The following STK10 variants were observed in gnomAD, a reference collection of about 807,000 sequenced individuals.
STK10 encodes the protein serine/threonine-protein kinase 10.
Under a neutral mutation model 113.8 loss-of-function variants are expected in STK10, and 78 were observed. The ratio of observed to expected loss-of-function variants is 0.69; its 90% confidence interval spans 0.57 to 0.83. STK10 has a LOEUF of 0.83. Ranked by LOEUF, STK10 falls within the 40% of genes least tolerant of loss-of-function variation. STK10 has a pLI of 0.00. For synonymous variants in STK10, 465 were observed against 494.7 expected (o/e 0.94, Z 0.80); for missense variants, 1,109 against 1,280.1 (o/e 0.87, Z 2.04).
intron 7 of STK10, among the ~76,000 whole-genome samples, chr5:172,098,888 TCACCACCATCAC>T (rs1370292374): frequency 2.2e-4 from 34 of 151,134 alleles, no homozygotes; most frequent in Non-Finnish European, 4.6e-4. Flanking sequence ...ATCATCACCT[TCACCACCATCAC>T]CACCACCATC....
intron 10 of STK10, among the ~76,000 whole-genome samples, chr5:172,087,076 C>T (rs1373998531): frequency 6.7e-6 from 1 of 150,224 alleles, no homozygotes; most frequent in Non-Finnish European, 1.5e-5. Flanking sequence ...GCAACCTGTG[C>T]CCTAGCCTCC....
At chr5:172,151,297 C>T (rs1269217602) in intron 2 of STK10, among the ~76,000 whole-genome samples, 1 of 152,096 alleles carries the variant, frequency 6.6e-6, no homozygotes, top group South Asian at 2.1e-4. Flanking sequence ...GGATTGCGAA[C>T]CTGCAGGCTT....
In STK10 at chr5:172,106,725, A is replaced by G; in HGVS notation, c.683T>C (p.Ile228Thr). 6.2e-7 allele frequency: 1 copy of G among 1,614,126 alleles called. No homozygotes were observed. The highest frequency in any genetic ancestry group is 8.5e-7 in the Non-Finnish European group (1 of 1,180,012). The change falls in exon 6 of 19, where the codon ATT (isoleucine) becomes ACT (threonine). Residue 228 changes from isoleucine to threonine, a missense_variant. Around this residue, in one of 5 missense-constraint regions of STK10, gnomAD observed 885 missense variants for 991.1 expected, o/e 0.89. Transcript: ENST00000176763. ...ADIWSLGITL[I>T]EMAQIEPPHH... is the part of the protein sequence containing the mutation. ...TGGCGGCTCGATCTGGGCCATCTCA[A>G]TCAGCGTGATGCCCAGGGACCAGAT...
At chr5:172,107,459 A>T (rs1435958611) in intron 5 of STK10, among the ~76,000 whole-genome samples, 1 of 152,206 alleles carries the variant, frequency 6.6e-6, no homozygotes, top group Non-Finnish European at 1.5e-5. Context: ...CTCAATACAT[A>T]CGTGGCGAAT....
chr5:172,083,223 G>A lies in STK10; in HGVS notation c.1686-139C>T, dbSNP rs546296077. ...GGGGCACAGGCATGACTAGAACTCAGGCTTCATTTGATATTTATTGACAGA... is the reference window on the plus strand; with the variant it reads ...GGGGCACAGGCATGACTAGAACTCAAGCTTCATTTGATATTTATTGACAGA... On this transcript the variant is annotated intron_variant, in intron 10 of 18. Transcript: ENST00000176763. 94 of 1,009,136 alleles carry A rather than the reference G, an allele frequency of 9.3e-5. 1 individual carries two copies. The African/African-American group carries it at 1.3e-3, about 14-fold the overall frequency. The allele number at this position is 1,009,136 out of a possible 1,614,324, so 62.5% of individuals were successfully genotyped here.
At chr5:172,129,184 A>G (rs1035277755) in intron 2 of STK10, among the ~76,000 whole-genome samples, 1 of 152,208 alleles carries the variant, frequency 6.6e-6, no homozygotes, top group Non-Finnish European at 1.5e-5. Context: ...GCTGGGATGC[A>G]CGAAACCACA....
At position 172,106,636 on chromosome 5, in the gene STK10, G is replaced by C; in HGVS notation, c.772C>G (p.Leu258Val). The C allele has an allele frequency of 6.2e-7, 1 of 1,612,572 alleles. No homozygotes were observed. Among genetic ancestry groups the C allele is most frequent in the Non-Finnish European group, 8.5e-7 (1 of 1,179,908 alleles). ...KIAKSDPPTL[L>V]TPSKWSVEFR... ...GCCCCTCACCACTTAGAGGGCGTGA[G>C]CAGCGTGGGAGGGTCCGACTTGGCG... The change falls in exon 6 of 19, where the codon CTC becomes GTC. Residue 258 changes from leucine (L) to valine (V), a missense_variant. Coordinates refer to ENST00000176763, the MANE Select transcript of STK10 (RefSeq NM_005990.4).
intron 1 of STK10, among the ~76,000 whole-genome samples, chr5:172,181,149 C>T (rs902248162): frequency 1.5e-4 from 23 of 152,218 alleles, no homozygotes; most frequent in Non-Finnish European, 2.5e-4. Context: ...CCACAGCTCC[C>T]TACGCTGCTG....
rs1425425281 is a variant in STK10 at position 172,047,926 on chromosome 5, G to A, written c.2767-2904C>T. Among the ~76,000 whole-genome samples, 10 of 115,886 alleles carry A rather than the reference G, an allele frequency of 8.6e-5. No individual in the cohort carries two copies. In the South Asian group the frequency reaches 1.3e-3, roughly 16 times the overall value. The allele number at this position is 115,886 out of a possible 152,430, so 76.0% of individuals were successfully genotyped here. On this transcript the variant is annotated intron_variant, in intron 18 of 18. Coordinates refer to ENST00000176763, the MANE Select transcript of STK10 (RefSeq NM_005990.4). The stretch of plus-strand genomic sequence containing the variant: ...TTTTTTTTTTTTTTTTTTTTGAGAC[G>A]GAGTCTTGCTCTGTCACCCAGGCTG...
intron 13 of STK10, among the ~76,000 whole-genome samples, chr5:172,064,144 G>A (rs959007076): frequency 6.6e-6 from 1 of 152,118 alleles, no homozygotes; most frequent in Non-Finnish European, 1.5e-5. Context: ...AGGAAGCCTC[G>A]CTGGGAGGCC....
At chr5:172,059,099 G>A (rs1370537825) in intron 14 of STK10, among the ~76,000 whole-genome samples, 3 of 151,192 alleles carry the variant, frequency 2.0e-5, no homozygotes, top group Admixed American at 6.6e-5. Context: ...GCATGGTGGC[G>A]GGCGCCTGTA....
intron 2 of STK10, among the ~76,000 whole-genome samples, chr5:172,155,984 G>C (rs545299824): frequency 1.8e-4 from 28 of 151,896 alleles, no homozygotes; most frequent in Admixed American, 6.6e-4. Context: ...AACAGAACGA[G>C]GCTCCATCTC....
chr5:172,112,255 G>A (rs1486346604), intron 4 of STK10, among the ~76,000 whole-genome samples: 5 of 152,110 alleles, frequency 3.3e-5, no homozygotes, highest in Non-Finnish European at 7.3e-5. Context: ...TCCAGTAGAA[G>A]ATTATCTTTA....
chr5:172,151,686 T>C (rs1770237198), intron 2 of STK10, among the ~76,000 whole-genome samples: 1 of 152,212 alleles, frequency 6.6e-6, no homozygotes. Context: ...GCTGGAGTTA[T>C]GTGTTCATGC....
intron 2 of STK10, among the ~76,000 whole-genome samples, chr5:172,152,113 T>C (rs1770246466): frequency 6.6e-6 from 1 of 152,228 alleles, no homozygotes; most frequent in South Asian, 2.1e-4. Flanking sequence ...ATTTCCCCAC[T>C]GATTTTTCTT....
intron 4 of STK10, 68 bp from the exon 5 acceptor site, chr5:172,107,920 T>C: frequency 2.9e-6 from 4 of 1,369,768 alleles, no homozygotes; most frequent in Non-Finnish European, 4.2e-6. Flanking sequence ...GGATGTGGAC[T>C]CAGGGGTACA....
intron 4 of STK10, 70 bp from the exon 5 acceptor site, chr5:172,107,922 A>T: frequency 7.5e-7 from 1 of 1,331,464 alleles, no homozygotes; most frequent in Non-Finnish European, 1.1e-6. Flanking sequence ...ATGTGGACTC[A>T]GGGGTACACA....
chr5:172,056,994 AGAGAAAGAAG>A (rs1401220776), intron 15 of STK10: 2,656 of 54,056 alleles, frequency 0.049, 123 homozygotes, highest in African/African-American at 0.11. Context: ...AAAGAAAGAA[AGAGAAAGAAG>A]GAAAGAAAGA....
intron 1 of STK10, among the ~76,000 whole-genome samples, chr5:172,184,450 C>T (rs72845182): frequency 0.018 from 2,734 of 151,950 alleles, 38 homozygotes; most frequent in Non-Finnish European, 0.028. Context: ...CTCTGGGCAC[C>T]GGGACATATG....
Sources: allele counts gnomAD v4.1 joint callset (sites outside exome capture counted in the v4.1 genomes callset), GRCh38; gene constraint gnomAD v4.1.1; regional missense constraint gnomAD v4.1.1; transcripts MANE v1.5; gene names NCBI Gene and HGNC (gene_info 2026-07-23, HGNC 2026-07-21).